The following OR3A2 variants were observed in gnomAD, a reference collection of about 807,000 sequenced individuals.
OR3A2 encodes the protein olfactory receptor 3A2.
For synonymous variants in OR3A2, 126 were observed against 159.3 expected, an observed-to-expected ratio of 0.79 and a Z score of 1.57; for missense variants, 318 against 392.8, an observed-to-expected ratio of 0.81 and a Z score of 1.61.
At chr17:3,345,566 C>A (rs1198397211) in intron 2 of OR3A2, among the ~76,000 whole-genome samples, 2 of 151,888 alleles carry the variant, frequency 1.3e-5, no homozygotes, top group African/African-American at 2.4e-5. Flanking sequence ...GAAACAATAT[C>A]ACAAAAACAG....
intron 2 of OR3A2, among the ~76,000 whole-genome samples, chr17:3,356,459 T>A (rs868151458): frequency 2.0e-5 from 3 of 151,558 alleles, no homozygotes; most frequent in Non-Finnish European, 2.9e-5. Context: ...TCTGAGAAGA[T>A]CTTTATTTTC....
chr17:3,368,033 T>C (rs2049579491), intron 2 of OR3A2, among the ~76,000 whole-genome samples: 1 of 152,196 alleles, frequency 6.6e-6, no homozygotes, highest in Non-Finnish European at 1.5e-5. Context: ...ACCATTTGTA[T>C]ATCTTTTGAG....
At chr17:3,340,230 C>T (rs1191634112) in intron 2 of OR3A2, among the ~76,000 whole-genome samples, 5 of 152,160 alleles carry the variant, frequency 3.3e-5, no homozygotes, top group Admixed American at 1.3e-4. Context: ...CCTGGATTCA[C>T]TGATTTTTTT....
intron 3 of OR3A2, among the ~76,000 whole-genome samples, chr17:3,325,275 T>C (rs2049162308): frequency 6.9e-6 from 1 of 145,078 alleles, no homozygotes; most frequent in African/African-American, 2.6e-5. Context: ...AGTGGTGCAA[T>C]CTCAACTCAC....
At chr17:3,356,509 A>C (rs955683583) in intron 2 of OR3A2, among the ~76,000 whole-genome samples, 1 of 151,544 alleles carries the variant, frequency 6.6e-6, no homozygotes, top group South Asian at 2.1e-4. Flanking sequence ...ATATGCAAAT[A>C]AATTCAAAAA....
At chr17:3,295,176 G>A (rs769280551) in intron 3 of OR3A2, among the ~76,000 whole-genome samples, 4 of 152,040 alleles carry the variant, frequency 2.6e-5, no homozygotes, top group Admixed American at 6.6e-5. Flanking sequence ...AAGGAGATAG[G>A]AGGACGTATG....
intron 3 of OR3A2, among the ~76,000 whole-genome samples, chr17:3,294,145 G>A (rs1001645376): frequency 1.3e-4 from 20 of 151,326 alleles, no homozygotes; most frequent in Non-Finnish European, 2.9e-5. Flanking sequence ...AAAGAAAATT[G>A]TTACCCAACA....
Position 3,311,256 on chromosome 17 carries a change from C to T in OR3A2, c.-85+24777G>A, listed in dbSNP as rs1357517866. On this transcript the variant is annotated intron_variant, in intron 3 of 4. Transcript: ENST00000573491. This position sits in a 1 kb window ranked among gnomAD's most constrained non-coding sequence, Gnocchi z 4.6. ...CTCCGATGCTGGCGTGTCTCCAGGCCCACCAGTGCAGAGTTCCCTATGCTG... is the reference window on the plus strand; with the variant it reads ...CTCCGATGCTGGCGTGTCTCCAGGCTCACCAGTGCAGAGTTCCCTATGCTG... The T allele has an allele frequency of 3.7e-6, 2 of 535,584 alleles. No homozygotes were observed. Among genetic ancestry groups the T allele is most frequent in the East Asian group, 5.4e-5 (1 of 18,396 alleles). The allele number at this position is 535,584 out of a possible 1,614,324, so 33.2% of individuals were successfully genotyped here. A position where few individuals can be genotyped will look rare whatever the true frequency, so the allele number is the denominator to read the frequency against.
At chr17:3,371,907 G>A (rs1180406262) in intron 2 of OR3A2, among the ~76,000 whole-genome samples, 6 of 148,534 alleles carry the variant, frequency 4.0e-5, no homozygotes, top group Non-Finnish European at 6.0e-5. Context: ...CGGACGGGGC[G>A]GCTGGCCGGG....
chr17:3,360,420 A>C (rs567972806), intron 2 of OR3A2, among the ~76,000 whole-genome samples: 65 of 151,698 alleles, frequency 4.3e-4, no homozygotes, highest in Admixed American at 1.6e-3. Flanking sequence ...TCTTTAGTTT[A>C]ATTAGATCCC....
Position 3,323,496 on chromosome 17 carries a change from C to T in OR3A2, c.-85+12537G>A, listed in dbSNP as rs145976751. Among the ~76,000 whole-genome samples, 400 of 152,116 alleles carry T rather than the reference C, an allele frequency of 2.6e-3. 4 individuals are homozygous for T. The highest frequency in any genetic ancestry group is 0.017 in the Middle Eastern group (5 of 294). On this transcript the variant is annotated intron_variant, in intron 3 of 4. Coordinates refer to the OR3A2 transcript ENST00000573491. ...GGCACGTTTTTGCAGTGGCTGGTAC[C>T]GGTTGTTCCTTTCCATGTTTAGCAC...
intron 2 of OR3A2, among the ~76,000 whole-genome samples, chr17:3,356,045 C>A (rs1351819994): frequency 1.3e-5 from 2 of 151,002 alleles, no homozygotes; most frequent in Non-Finnish European, 2.9e-5. Flanking sequence ...GTCTCATAAC[C>A]CATTATTTTA....
At chr17:3,283,086 T>C (rs1486905350) in intron 1 of OR3A2, among the ~76,000 whole-genome samples, 3 of 152,216 alleles carry the variant, frequency 2.0e-5, no homozygotes, top group Non-Finnish European at 4.4e-5. Flanking sequence ...TTTCTTGGAA[T>C]TTATGACTGT....
chr17:3,379,324 C>T (rs1310027887), intron 2 of OR3A2, among the ~76,000 whole-genome samples: 4 of 152,256 alleles, frequency 2.6e-5, no homozygotes, highest in African/African-American at 9.6e-5. Context: ...GAGGACACGA[C>T]AGTCAAAAGG....
intron 2 of OR3A2, among the ~76,000 whole-genome samples, chr17:3,344,523 C>T (rs759853199): frequency 6.6e-6 from 1 of 152,136 alleles, no homozygotes; most frequent in Non-Finnish European, 1.5e-5. Context: ...TCTGGGAGTT[C>T]TCTTGCCCTC....
chr17:3,317,854 G>C (rs1391562312), intron 3 of OR3A2, among the ~76,000 whole-genome samples: 1 of 152,046 alleles, frequency 6.6e-6, no homozygotes, highest in Non-Finnish European at 1.5e-5. Context: ...CCAGTGCTAT[G>C]CCCTTTGTAC....
intron 3 of OR3A2, among the ~76,000 whole-genome samples, chr17:3,332,667 C>T (rs2128733): frequency 0.15 from 23,075 of 152,188 alleles, 2,336 homozygotes; most frequent in African/African-American, 0.28. Context: ...TCTTCTGCGT[C>T]GCTCACGCTG....
chr17:3,302,083 G>T (rs990791519), intron 3 of OR3A2, among the ~76,000 whole-genome samples: 1 of 152,032 alleles, frequency 6.6e-6, no homozygotes, highest in Non-Finnish European at 1.5e-5. Context: ...ACTGCTCAAC[G>T]AAATAAAAGA....
At chr17:3,364,643 C>G (rs2049547977) in intron 2 of OR3A2, among the ~76,000 whole-genome samples, 2 of 152,042 alleles carry the variant, frequency 1.3e-5, no homozygotes, top group African/African-American at 4.8e-5. Context: ...AAAAAGGAAC[C>G]CTTGTATGCT....
Sources: gnomAD v4.1 joint callset for allele counts (sites outside exome capture counted in the v4.1 genomes callset) on GRCh38, gnomAD v4.1.1 for gene constraint, Gnocchi (gnomAD v3.1) non-coding constraint, MANE v1.5 for transcripts, NCBI Gene and HGNC (gene_info 2026-07-23, HGNC 2026-07-21) for gene names.